Variants in CLMP observed in about 807,000 individuals in gnomAD.
CLMP encodes CXADR like cell adhesion molecule.
Under a neutral mutation model 45.2 loss-of-function variants are expected in CLMP, and 27 were observed. The ratio of observed to expected loss-of-function variants is 0.60; its 90% CI spans 0.44 to 0.82. The LOEUF is 0.82. Ranked by LOEUF, CLMP falls within the 40% of genes least tolerant of loss-of-function variation. The pLI, the probability that CLMP is intolerant of heterozygous loss-of-function variation, is 0.00. For missense variants in CLMP, 403 were observed against 448.4 expected (o/e 0.90, Z 0.91); for synonymous variants, 167 against 171.4 (o/e 0.97, Z 0.20).
rs1034366588 is a variant in CLMP, at chr11:123,071,079, A to G, written c.*2395T>C. On this transcript the variant is annotated 3_prime_UTR_variant, in exon 7 of 7. Transcript: ENST00000448775. ...AGCATCTGCTTCCCATTTTAGAAAC[A>G]TGCTTTCATCACCACATTCAGCATC... 6.6e-6 allele frequency: 1 copy of G among 152,200 alleles called. No individual in the cohort carries two copies. Among genetic ancestry groups the G allele is most frequent in the African/African-American group, 2.4e-5 (1 of 41,438 alleles). The allele number at this position is 152,200 out of a possible 1,614,324, so 9.4% of individuals were successfully genotyped here.
At chr11:123,138,661 C>T (rs1421734315) in intron 1 of CLMP, among the ~76,000 whole-genome samples, 1 of 131,584 alleles carries the variant, frequency 7.6e-6, no homozygotes, top group Non-Finnish European at 1.6e-5. Flanking sequence ...ACAATTCTTA[C>T]TTATTTATTT....
At chr11:123,168,153 C>T (rs1861583432) in intron 1 of CLMP, among the ~76,000 whole-genome samples, 1 of 152,188 alleles carries the variant, frequency 6.6e-6, no homozygotes, top group Non-Finnish European at 1.5e-5. Flanking sequence ...ACCATCATTT[C>T]CTTTTCCACG....
intron 1 of CLMP, among the ~76,000 whole-genome samples, chr11:123,103,552 G>T (rs938172590): frequency 6.6e-6 from 1 of 152,044 alleles, no homozygotes; most frequent in African/African-American, 2.4e-5. Flanking sequence ...GAGCCCCTCT[G>T]TGAATACAAA....
At chr11:123,132,519 T>G (rs1861005100) in intron 1 of CLMP, among the ~76,000 whole-genome samples, 1 of 151,922 alleles carries the variant, frequency 6.6e-6, no homozygotes. Context: ...AGTGCAGTGG[T>G]GCAATCTTGG....
In CLMP at chr11:123,127,481, G is replaced by A. The variant is rs114804049; in HGVS notation, c.29-29529C>T. ...GTAATTAAGACTTATTACGTGGAGG[G>A]AGGGAGGACTAAAAGGGGCAGTTTG... On this transcript the variant is annotated intron_variant, in intron 1 of 6. Transcript: ENST00000448775. Among the ~76,000 whole-genome samples, 343 of 152,252 alleles carry A rather than the reference G, an allele frequency of 2.3e-3. 1 individual carries two copies. Among genetic ancestry groups the A allele is most frequent in the African/African-American group, 8.0e-3 (331 of 41,544 alleles).
intron 1 of CLMP, among the ~76,000 whole-genome samples, chr11:123,130,826 C>T (rs1446197602): frequency 6.7e-6 from 1 of 149,474 alleles, no homozygotes; most frequent in African/African-American, 2.5e-5. Context: ...CAAATGGAAT[C>T]GTTTTTTTCT....
intron 1 of CLMP, among the ~76,000 whole-genome samples, chr11:123,109,165 A>G (rs1404434206): frequency 6.6e-6 from 1 of 152,012 alleles, no homozygotes; most frequent in Non-Finnish European, 1.5e-5. Context: ...GTGTTTATCC[A>G]CATTAAAAAA....
chr11:123,195,046 T>A lies in CLMP; in HGVS notation c.-106A>T, dbSNP rs1371444239. On this transcript the variant is annotated 5_prime_UTR_variant, in exon 1 of 7. Transcript: ENST00000448775. ...GCGAGCTGGGCGCGGCGCCTCGGGG[T>A]GCGCGCGAGGTGGCTGCAGCCATGT... is the stretch of plus-strand genomic sequence containing the variant. The A allele has an allele frequency of 1.4e-4, 160 of 1,152,030 alleles. 1 individual carries two copies. In the South Asian group the frequency reaches 2.2e-3, roughly 16 times the overall value. The allele number at this position is 1,152,030 out of a possible 1,614,324, so 71.4% of individuals were successfully genotyped here.
At chr11:123,190,116 C>A (rs1177208793) in intron 1 of CLMP, among the ~76,000 whole-genome samples, 4 of 152,012 alleles carry the variant, frequency 2.6e-5, no homozygotes, top group Non-Finnish European at 4.4e-5. Context: ...CTGTAGGTAA[C>A]CCTGCTTAAG....
chr11:123,115,685 G>A (rs996939762), intron 1 of CLMP, among the ~76,000 whole-genome samples: 4 of 152,052 alleles, frequency 2.6e-5, no homozygotes, highest in African/African-American at 7.2e-5. Flanking sequence ...CCAAGGTGCC[G>A]GTTCTATTTC....
At chr11:123,148,158 T>C (rs1042734242) in intron 1 of CLMP, among the ~76,000 whole-genome samples, 2 of 152,202 alleles carry the variant, frequency 1.3e-5, no homozygotes, top group Non-Finnish European at 2.9e-5. Context: ...GTAGGGCACA[T>C]AGAATAGTAC....
At chr11:123,082,057 C>T (rs1301405432) in intron 5 of CLMP, among the ~76,000 whole-genome samples, 1 of 152,136 alleles carries the variant, frequency 6.6e-6, no homozygotes, top group African/African-American at 2.4e-5. Flanking sequence ...TGAAGCAAAT[C>T]AAATTCTTGA....
At chr11:123,149,382 TA>T (rs1438200287) in intron 1 of CLMP, among the ~76,000 whole-genome samples, 1 of 152,218 alleles carries the variant, frequency 6.6e-6, no homozygotes, top group Non-Finnish European at 1.5e-5. Context: ...GATACATTTT[TA>T]TATCTGAAAA....
intron 1 of CLMP, among the ~76,000 whole-genome samples, chr11:123,119,003 C>CTT (rs1860768672): frequency 4.0e-5 from 1 of 25,190 alleles, no homozygotes. Flanking sequence ...CTTTCTTTCT[C>CTT]TCTCTCTCTC....
intron 1 of CLMP, among the ~76,000 whole-genome samples, chr11:123,163,925 C>T (rs1050974728): frequency 1.3e-5 from 2 of 152,140 alleles, no homozygotes; most frequent in Non-Finnish European, 2.9e-5. Context: ...TCAATCACAT[C>T]GTCTACAGGT....
chr11:123,158,603 G>A (rs575211138), intron 1 of CLMP, among the ~76,000 whole-genome samples: 3 of 152,158 alleles, frequency 2.0e-5, no homozygotes, highest in Non-Finnish European at 4.4e-5. Context: ...TATTATTTTA[G>A]TTTTGCAGTA....
At chr11:123,181,068 C>A (rs1861762372) in intron 1 of CLMP, among the ~76,000 whole-genome samples, 1 of 152,152 alleles carries the variant, frequency 6.6e-6, no homozygotes, top group African/African-American at 2.4e-5. Flanking sequence ...AAGAACAATG[C>A]GCAATCCAGT....
At chr11:123,186,746 C>T (rs767674515) in intron 1 of CLMP, among the ~76,000 whole-genome samples, 3 of 152,174 alleles carry the variant, frequency 2.0e-5, no homozygotes, top group Non-Finnish European at 4.4e-5. Flanking sequence ...TGGTTTTGAA[C>T]TCCTGACCTC....
At chr11:123,185,747 G>A (rs541688452) in intron 1 of CLMP, among the ~76,000 whole-genome samples, 24 of 152,310 alleles carry the variant, frequency 1.6e-4, no homozygotes, top group African/African-American at 5.5e-4. Context: ...AGGAATCTGG[G>A]ACACCAGTTT....
Sources: allele counts gnomAD v4.1 joint callset (sites outside exome capture counted in the v4.1 genomes callset), GRCh38; gene constraint gnomAD v4.1.1; transcripts MANE v1.5; gene names NCBI Gene and HGNC (gene_info 2026-07-23, HGNC 2026-07-21).